The following IPO8 variants were observed in gnomAD, a reference collection of about 807,000 sequenced individuals.
IPO8 encodes importin-8.
In IPO8, 65 loss-of-function variants were observed where a neutral mutation model predicts 141.2. That is an observed-to-expected ratio of 0.46 (90% CI 0.38 to 0.57). The LOEUF is 0.57. IPO8 is among the 20% of genes least tolerant of loss of function. The pLI is 0.00. For synonymous variants in IPO8, 411 were observed against 420.3 expected, an observed-to-expected ratio of 0.98 and a Z score of 0.27; for missense variants, 980 against 1,246.8, an observed-to-expected ratio of 0.79 and a Z score of 3.22.
At chr12:30,637,561 C>T (rs555728199) in intron 21 of IPO8, among the ~76,000 whole-genome samples, 26 of 152,124 alleles carry the variant, frequency 1.7e-4, no homozygotes, top group Admixed American at 1.1e-3. Flanking sequence ...TAGACTCTTC[C>T]AACATTAGAT....
In IPO8 at chr12:30,661,108, A is replaced by G. The variant is rs757222252; in HGVS notation, c.1881+33T>C. 1.2e-5 allele frequency: 16 copies of G among 1,361,956 alleles called. No individual in the cohort carries two copies. The African/African-American group carries it at 3.1e-4, about 27-fold the overall frequency. The allele number at this position is 1,361,956 out of a possible 1,614,324, so 84.4% of individuals were successfully genotyped here. A position where few individuals can be genotyped will look rare whatever the true frequency, so the allele number is the denominator to read the frequency against. On this transcript the variant is annotated intron_variant, in intron 16 of 24. Coordinates refer to ENST00000256079, the MANE Select transcript of IPO8 (RefSeq NM_006390.4). ...ATCACATAAATTTCAGTTAAATGCT[A>G]CTATTATATCATAAACCACAAAGAA...
At position 30,668,812 on chromosome 12, in the gene IPO8, G is replaced by T. The variant is rs1591837126; in HGVS notation, c.1144+371C>A. The stretch of plus-strand genomic sequence containing the variant: ...AGACAAGCAAGCAAACCAAATTGGG[G>T]TACCCCTAAAATATGCAGAAATCCA... On this transcript the variant is annotated intron_variant, in intron 10 of 24. Coordinates refer to ENST00000256079, the MANE Select transcript of IPO8 (RefSeq NM_006390.4). 2.0e-5 allele frequency among the ~76,000 whole-genome samples: 3 copies of T among 152,280 alleles called. No individual in the cohort carries two copies. In the East Asian group the frequency reaches 5.8e-4, roughly 29 times the overall value.
rs746927291 is a variant in IPO8 at position 30,634,189 on chromosome 12, G to A, written c.2793C>T (p.Asp931=). Residue 931 remains aspartate, a synonymous_variant, in exon 23 of 25, where the codon GAC becomes GAT. Coordinates refer to ENST00000256079, the MANE Select transcript of IPO8 (RefSeq NM_006390.4). Reference sequence around the variant, plus strand: ...TTTCTTCCAATACTTCTTCATCCCAGTCATCATCTTCCTCCTCCTCATCTT... The same window carrying A: ...TTTCTTCCAATACTTCTTCATCCCAATCATCATCTTCCTCCTCCTCATCTT... ...RGEDEEEEDD[D]WDEEVLEETA... 1 of 1,613,898 alleles carries A rather than the reference G, an allele frequency of 6.2e-7. No homozygotes were observed. Among genetic ancestry groups the A allele is most frequent in the South Asian group, 1.1e-5 (1 of 91,068 alleles).
In IPO8 at chr12:30,662,317, C is replaced by G. The variant is rs1565501314; in HGVS notation, c.1755+10G>C. On this transcript the variant is annotated intron_variant, in intron 15 of 24. Coordinates refer to ENST00000256079, the MANE Select transcript of IPO8 (RefSeq NM_006390.4). The stretch of plus-strand genomic sequence containing the variant: ...CTAAACCAAATTAACATAAAACTGC[C>G]CGGTCTTACCAAGTGTTGGGTCATA... 1.2e-6 allele frequency: 2 copies of G among 1,604,228 alleles called. No individual in the cohort carries two copies. Among genetic ancestry groups the G allele is most frequent in the Non-Finnish European group, 8.5e-7 (1 of 1,175,314 alleles).
chr12:30,634,374 T>A (rs968017467), intron 22 of IPO8, 88 bp from the exon 23 acceptor site: 10 of 1,053,060 alleles, frequency 9.5e-6, no homozygotes, highest in Admixed American at 6.8e-5. Flanking sequence ...ACTATAAAAC[T>A]ACACTCTGGA....
At chr12:30,651,411 C>T (rs767011858) in intron 19 of IPO8, among the ~76,000 whole-genome samples, 1 of 152,120 alleles carries the variant, frequency 6.6e-6, no homozygotes, top group South Asian at 2.1e-4. Context: ...TGGGTACACC[C>T]CTTCTGGTAA....
intron 5 of IPO8, among the ~76,000 whole-genome samples, chr12:30,679,051 C>A (rs1460691613): frequency 6.6e-6 from 1 of 152,188 alleles, no homozygotes; most frequent in Non-Finnish European, 1.5e-5. Context: ...GTTGGCCAGG[C>A]TGGTCTTGAA....
chr12:30,695,541 G>A lies in IPO8; in HGVS notation c.84+23C>T. On this transcript the variant is annotated intron_variant, in intron 1 of 24. Coordinates refer to ENST00000256079, the MANE Select transcript of IPO8 (RefSeq NM_006390.4). The surrounding 1 kb of genome is among the most constrained non-coding windows in gnomAD (Gnocchi z 4.2). ...AGGGGCGCCCCTTCGGCGGAAGAGG[G>A]TCGCCGAAGACCCTCTCCTCACCTG... 6.2e-7 allele frequency: 1 copy of A among 1,606,756 alleles called. No homozygotes were observed.
chr12:30,689,121 G>C (rs773665144), intron 2 of IPO8, among the ~76,000 whole-genome samples: 5 of 151,976 alleles, frequency 3.3e-5, no homozygotes, highest in Non-Finnish European at 5.9e-5. Flanking sequence ...AAAATAGCAT[G>C]TGTAATATAA....
intron 1 of IPO8, among the ~76,000 whole-genome samples, chr12:30,691,066 C>G (rs2053286970): frequency 6.6e-6 from 1 of 152,054 alleles, no homozygotes; most frequent in South Asian, 2.1e-4. Context: ...ATTCTAAGAG[C>G]TATTTATGAA....
At chr12:30,654,267 G>A (rs1195153029) in intron 17 of IPO8, among the ~76,000 whole-genome samples, 1 of 150,012 alleles carries the variant, frequency 6.7e-6, no homozygotes, top group African/African-American at 2.4e-5. Flanking sequence ...AAAACACAGG[G>A]GAAAAGCTTC....
chr12:30,694,786 G>T (rs2053321349), intron 1 of IPO8, among the ~76,000 whole-genome samples: 1 of 152,134 alleles, frequency 6.6e-6, no homozygotes, highest in Non-Finnish European at 1.5e-5. Flanking sequence ...CTACTTTTTA[G>T]TAAGAGGTCT....
In IPO8 at chr12:30,669,195, T is replaced by C. The variant is rs2053011981; in HGVS notation, c.1132A>G (p.Arg378Gly). ...LWQEDPYEYI[R>G]MKFDIFEDYA... ...CCATCTCAATTACCAAATTTCATCC[T>C]TATATACTCATATGGATCTTCTTGC... Residue 378 changes from arginine (R) to glycine (G), a missense_variant, in exon 10 of 25, where the codon AGG (arginine) becomes GGG (glycine). By Grantham distance (125) the Arg-to-Gly change is moderately radical (BLOSUM62 -2). Coordinates refer to ENST00000256079, the MANE Select transcript of IPO8 (RefSeq NM_006390.4). 1 of 1,540,410 alleles carries C rather than the reference T, an allele frequency of 6.5e-7. No homozygotes were observed. The highest frequency in any genetic ancestry group is 8.9e-7 in the Non-Finnish European group (1 of 1,123,868).
chr12:30,645,494 T>C (rs1354410277), intron 20 of IPO8, among the ~76,000 whole-genome samples: 1 of 150,138 alleles, frequency 6.7e-6, no homozygotes, highest in Non-Finnish European at 1.5e-5. Flanking sequence ...AAAGAACAAC[T>C]AAACAAAAAG....
intron 19 of IPO8, among the ~76,000 whole-genome samples, chr12:30,651,411 C>CCTT (rs2052724996): frequency 6.6e-6 from 1 of 152,120 alleles, no homozygotes; most frequent in African/African-American, 2.4e-5. Context: ...TGGGTACACC[C>CCTT]CTTCTGGTAA....
chr12:30,690,066 A>G lies in IPO8; in HGVS notation c.166+430T>C, dbSNP rs749919890. ...TGTTTAAAACATAGTCCTGCTCCGC[A>G]GTCACCTGGGTTAGGAACATCTGTG... On this transcript the variant is annotated intron_variant, in intron 2 of 24. Coordinates refer to ENST00000256079, the MANE Select transcript of IPO8 (RefSeq NM_006390.4). Among the ~76,000 whole-genome samples the G allele has an allele frequency of 3.3e-5, 5 of 152,364 alleles. 1 individual carries two copies. The South Asian group carries it at 1.0e-3, about 32-fold the overall frequency.
chr12:30,639,844 T>C (rs1352135175), intron 20 of IPO8, 109 bp from the exon 21 acceptor site: 3 of 717,854 alleles, frequency 4.2e-6, no homozygotes, highest in Non-Finnish European at 7.3e-6. Context: ...TTAATGGCAA[T>C]GAGACTTTTG....
At chr12:30,671,553 A>G (rs2053050204) in intron 8 of IPO8, among the ~76,000 whole-genome samples, 1 of 151,920 alleles carries the variant, frequency 6.6e-6, no homozygotes, top group African/African-American at 2.4e-5. Flanking sequence ...GGGTGCCTGT[A>G]GTCCCAGCTA....
At chr12:30,690,689 C>G in intron 1 of IPO8, 112 bp from the exon 2 acceptor site, 1 of 567,294 alleles carries the variant, frequency 1.8e-6, no homozygotes, top group East Asian at 3.1e-5. Flanking sequence ...AACTTTTAAA[C>G]TGAGACAAAC....
Sources: gnomAD v4.1 joint callset for allele counts (sites outside exome capture counted in the v4.1 genomes callset) on GRCh38, gnomAD v4.1.1 for gene constraint, Gnocchi (gnomAD v3.1) non-coding constraint, MANE v1.5 for transcripts, NCBI Gene and HGNC (gene_info 2026-07-23, HGNC 2026-07-21) for gene names.